ATG16L2: variants seen among roughly 807,000 people sequenced by gnomAD.
ATG16L2 encodes the protein protein Atg16l2.
A neutral mutation model predicts 84.7 loss-of-function variants in ATG16L2; 77 were observed. That is an observed-to-expected ratio of 0.91 (90% CI 0.76 to 1.10). The LOEUF (loss-of-function observed/expected upper bound fraction) is 1.10, where lower values mean the gene tolerates loss of function less well. ATG16L2 is among the 50% of genes least tolerant of loss of function. ATG16L2 has a pLI of 0.00. For missense variants in ATG16L2, 782 were observed against 817.6 expected (o/e 0.96, Z 0.53); for synonymous variants, 361 against 342.8 (o/e 1.05, Z -0.59).
At chr11:72,821,848 TC>T (rs1860013319) in intron 4 of ATG16L2, 107 bp downstream of exon 4, 3 of 1,454,448 alleles carry the variant, frequency 2.1e-6, no homozygotes, top group Admixed American at 2.2e-5. Context: ...TTTCCCTACG[TC>T]CCCCCGACCC....
At position 72,822,158 on chromosome 11, in the gene ATG16L2, G is replaced by A; in HGVS notation, c.507G>A (p.Ala169=). The A allele has an allele frequency of 6.7e-7, 1 of 1,490,132 alleles. No homozygotes were observed. The highest frequency in any genetic ancestry group is 8.8e-7 in the Non-Finnish European group (1 of 1,130,728). 92.3% of individuals were successfully genotyped at this position (1,490,132 alleles called of 1,614,324 possible). ...CGGTGCAGCGGGCAGCCTACGAGGC[G>A]CTGCGCGCGCACGTCGGGCTCCGGG... ...QNAVQRAAYE[A]LRAHVGLREA... The change falls in exon 5 of 18, where the codon GCG becomes GCA. Residue 169 remains alanine (A), a synonymous_variant. Transcript: ENST00000321297. This position sits in a 1 kb window ranked among gnomAD's most constrained non-coding sequence, Gnocchi z 4.2.
chr11:72,836,628 CCTCT>C (rs1409393713), intron 5 of ATG16L2: 16 of 152,622 alleles, frequency 1.0e-4, no homozygotes, highest in Admixed American at 8.5e-4. Flanking sequence ...TTTACTTTCT[CCTCT>C]CTCTGTCTGT....
chr11:72,825,453 C>T (rs747675632), intron 10 of ATG16L2, 46 bp downstream of exon 10: 17 of 1,459,444 alleles, frequency 1.2e-5, no homozygotes, highest in East Asian at 4.5e-5. Context: ...TCTCTCCAGA[C>T]CCTCTCCTCA....
intron 3 of ATG16L2, 130 bp from the exon 4 acceptor site, chr11:72,821,538 T>TG: frequency 6.8e-7 from 1 of 1,472,584 alleles, no homozygotes; most frequent in Non-Finnish European, 8.9e-7. Context: ...CAAACCTGTG[T>TG]GGGGCTCAGC....
At chr11:72,819,065 C>T (rs1359358400) in intron 3 of ATG16L2, 1 of 152,172 alleles carries the variant, frequency 6.6e-6, no homozygotes, top group East Asian at 1.9e-4. Flanking sequence ...GCCTCCGAGG[C>T]AAACCTATAT....
intron 1 of ATG16L2, chr11:72,816,120 A>C (rs1465662908): frequency 6.6e-6 from 1 of 152,624 alleles, no homozygotes; most frequent in Non-Finnish European, 1.5e-5. Context: ...CTGGGACTAC[A>C]GGCGCCTGCC....
chr11:72,822,821 C>G lies in ATG16L2; in HGVS notation c.711-27C>G, dbSNP rs2135099765. On this transcript the variant is annotated intron_variant, in intron 6 of 17. Coordinates refer to ENST00000321297, the MANE Select transcript of ATG16L2 (RefSeq NM_033388.2). The surrounding 1 kb of genome is among the most constrained non-coding windows in gnomAD (Gnocchi z 4.2). Reference sequence around the variant, plus strand: ...GGAGGGGCTGGCTTGGTCCCTTGGCCTTTCTGAACTTCATTACCTCTCCTA... The same window carrying G: ...GGAGGGGCTGGCTTGGTCCCTTGGCGTTTCTGAACTTCATTACCTCTCCTA... The G allele has an allele frequency of 1.3e-6, 2 of 1,517,002 alleles. No individual in the cohort carries two copies. The highest frequency in any genetic ancestry group is 1.8e-6 in the Non-Finnish European group (2 of 1,124,176). 94.0% of individuals were successfully genotyped at this position (1,517,002 alleles called of 1,614,324 possible). A position where few individuals can be genotyped will look rare whatever the true frequency, so the allele number is the denominator to read the frequency against.
rs368965663 is a variant in ATG16L2 at position 72,828,982 on chromosome 11, T to C, written c.1770T>C (p.His590=). 1.4e-5 allele frequency: 22 copies of C among 1,613,874 alleles called. No homozygotes were observed. Among genetic ancestry groups the C allele is most frequent in the Middle Eastern group, 1.6e-4 (1 of 6,084 alleles). ...TGGAGAGCAGACTACAGGGACCCCA[T>C]TGGTGAGCATGGCCTCCACCTGGCC... The part of the protein sequence containing the change: ...GKLESRLQGP[H]CAAVNAVAWC... Residue 590 remains histidine, a splice_region_variant and synonymous_variant, in exon 17 of 18, where the codon CAT becomes CAC. Coordinates refer to ENST00000321297, the MANE Select transcript of ATG16L2 (RefSeq NM_033388.2).
exon 6 of ATG16L2, chr11:72,842,891 G>T: frequency 6.8e-7 from 1 of 1,461,342 alleles, no homozygotes; most frequent in Non-Finnish European, 9.5e-7. Context: ...ACAGCCGGTT[G>T]CTTTTGCAAC....
rs558310810 is a variant in ATG16L2, at chr11:72,834,755, G to GT, written c.*21+5980dup. Reference sequence around the variant, plus strand: ...CCACCACCACACCTGGCTAATTTTTGTATTTTTAGTAAGAGACGGGGTTTC... The same window carrying GT: ...CCACCACCACACCTGGCTAATTTTTGTTATTTTTAGTAAGAGACGGGGTTTC... On this transcript the variant is annotated intron_variant, in intron 5 of 5. Coordinates refer to the ATG16L2 transcript ENST00000534905. Among the ~76,000 whole-genome samples, 24 of 152,206 alleles carry GT rather than the reference G, an allele frequency of 1.6e-4. No homozygotes were observed. In the South Asian group the frequency reaches 2.7e-3, roughly 17 times the overall value.
At chr11:72,833,418 G>A (rs1462946575), downstream of ATG16L2, among the ~76,000 whole-genome samples, 1 of 152,178 alleles carries the variant, frequency 6.6e-6, no homozygotes. Context: ...CTACTTTACA[G>A]ATGAGGAAAG....
chr11:72,822,509 A>G lies in ATG16L2; in HGVS notation c.676A>G (p.Lys226Glu), dbSNP rs776573775. The change falls in exon 6 of 18, where the codon AAG becomes GAG. Residue 226 changes from lysine to glutamate, a missense_variant. Physicochemically the swap from Lys to Glu is moderately conservative, Grantham distance 56. Coordinates refer to ENST00000321297, the MANE Select transcript of ATG16L2 (RefSeq NM_033388.2). This position sits in a 1 kb window ranked among gnomAD's most constrained non-coding sequence, Gnocchi z 4.2. ...GCAGGCGCGGGTGTCCCAGGAGCTG[A>G]AGAAGGCTGCCAAGCGGACCGTGAG... The part of the protein sequence containing the change: ...AKQARVSQEL[K>E]KAAKRTVSIS... The G allele has an allele frequency of 2.0e-5, 32 of 1,612,966 alleles. No individual in the cohort carries two copies. In the South Asian group the frequency reaches 3.3e-4, roughly 17 times the overall value.
chr11:72,841,709 C>T, intron 5 of ATG16L2: 1 of 1,006,908 alleles, frequency 9.9e-7, no homozygotes, highest in Non-Finnish European at 1.4e-6. Context: ...ACTTGTCAAC[C>T]TCATTAGAGG....
intron 13 of ATG16L2, 104 bp from the exon 14 acceptor site, chr11:72,827,084 T>C (rs892564880): frequency 2.1e-5 from 21 of 981,284 alleles, no homozygotes; most frequent in Admixed American, 4.5e-5. Flanking sequence ...GGTTCTAGTC[T>C]TGGGAGGACA....
Position 72,814,498 on chromosome 11 carries a change from T to G in ATG16L2, c.53T>G (p.Ile18Ser). 6.5e-7 allele frequency: 1 copy of G among 1,545,076 alleles called. No individual in the cohort carries two copies. Among genetic ancestry groups the G allele is most frequent in the African/African-American group, 1.4e-5 (1 of 72,342 alleles). The change falls in exon 1 of 18, where the codon ATC (isoleucine) becomes AGC (serine). Residue 18 changes from isoleucine (I) to serine (S), a missense_variant. Transcript: ENST00000321297. Reference sequence around the variant, plus strand: ...CCCGCAGCGCGCTGGAAACGCCACATCGTGCGGCAGCTGCGGCTTCGGGAC... The same window carrying G: ...CCCGCAGCGCGCTGGAAACGCCACAGCGTGCGGCAGCTGCGGCTTCGGGAC... ...GAPAARWKRH[I>S]VRQLRLRDRT... is the part of the protein sequence containing the mutation.
At chr11:72,830,441 A>G (rs531211698), downstream of ATG16L2, among the ~76,000 whole-genome samples, 1 of 152,260 alleles carries the variant, frequency 6.6e-6, no homozygotes, top group South Asian at 2.1e-4. Flanking sequence ...CTAGACCTGC[A>G]GTCTCCCCAT....
intron 5 of ATG16L2, chr11:72,837,088 TA>T (rs1241986395): frequency 6.6e-6 from 1 of 152,216 alleles, no homozygotes; most frequent in East Asian, 1.9e-4. Context: ...CTGCTCTATT[TA>T]ATAAGCATTT....
chr11:72,823,880 C>T lies in ATG16L2; in HGVS notation c.825-180C>T, dbSNP rs918312717. 2.4e-5 allele frequency: 19 copies of T among 779,806 alleles called. 1 individual carries two copies. Among genetic ancestry groups the T allele is most frequent in the Middle Eastern group, 4.5e-4 (2 of 4,454 alleles). The allele number at this position is 779,806 out of a possible 1,614,324, so 48.3% of individuals were successfully genotyped here. ...TTCATTACCAAATCCATTGCTGCCC[C>T]GACCTTCCTGGGACTGATCTGGGTC... On this transcript the variant is annotated intron_variant, in intron 7 of 17. Transcript: ENST00000321297.
chr11:72,838,174 A>G (rs748484166), intron 5 of ATG16L2: 28 of 152,458 alleles, frequency 1.8e-4, no homozygotes, highest in Non-Finnish European at 3.5e-4. Flanking sequence ...GGACACTGTT[A>G]TTTTAAGTCT....
Sources: gnomAD v4.1 joint callset for allele counts (sites outside exome capture counted in the v4.1 genomes callset) on GRCh38, gnomAD v4.1.1 for gene constraint, Gnocchi (gnomAD v3.1) non-coding constraint, MANE v1.5 for transcripts, NCBI Gene and HGNC (gene_info 2026-07-23, HGNC 2026-07-21) for gene names.